GPR155: variants seen among roughly 807,000 people sequenced by gnomAD.
The protein encoded by GPR155 is lysosomal cholesterol signaling protein.
In GPR155, 65 loss-of-function variants were observed where a neutral mutation model predicts 93.1. The observed-to-expected ratio is 0.70, with a 90% CI of 0.57 to 0.86. The LOEUF is 0.86. GPR155 is among the 40% of genes least tolerant of loss of function. The pLI is 0.00. For missense variants in GPR155, 838 were observed against 1,034.8 expected, an observed-to-expected ratio of 0.81 and a Z score of 2.61; for synonymous variants, 319 against 360.1, an observed-to-expected ratio of 0.89 and a Z score of 1.29.
intron 12 of GPR155, among the ~76,000 whole-genome samples, chr2:174,446,180 G>A (rs765458017): frequency 4.0e-5 from 6 of 151,706 alleles, no homozygotes; most frequent in African/African-American, 7.3e-5. Context: ...GGTGGCATGC[G>A]CCTGTAATCC....
chr2:174,462,489 T>C (rs1687727530), intron 7 of GPR155, among the ~76,000 whole-genome samples: 1 of 152,158 alleles, frequency 6.6e-6, no homozygotes, highest in Non-Finnish European at 1.5e-5. Flanking sequence ...TTTGTATTTT[T>C]AGTAGAGATG....
chr2:174,435,538 C>G lies in GPR155; in HGVS notation c.*578G>C, dbSNP rs1465242708. The G allele has an allele frequency of 6.6e-6, 1 of 152,118 alleles. No individual in the cohort carries two copies. Among genetic ancestry groups the G allele is most frequent in the African/African-American group, 2.4e-5 (1 of 41,378 alleles). 9.4% of individuals were successfully genotyped at this position (152,118 alleles called of 1,614,324 possible). On this transcript the variant is annotated 3_prime_UTR_variant, in exon 16 of 16. Transcript: ENST00000392552. ...TCAGGCTGGAGTGCAGTGGCACGATCTCGGCTCACAGCAACCTCTGCCTCC... is the reference window on the plus strand; with the variant it reads ...TCAGGCTGGAGTGCAGTGGCACGATGTCGGCTCACAGCAACCTCTGCCTCC...
intron 2 of GPR155, 121 bp downstream of exon 2, chr2:174,481,376 A>T (rs908714589): frequency 8.0e-6 from 5 of 627,782 alleles, no homozygotes; most frequent in Non-Finnish European, 1.4e-5. Context: ...TCATCCTAAG[A>T]CATATTTGAG....
chr2:174,443,780 A>T (rs1466253379), intron 13 of GPR155, among the ~76,000 whole-genome samples: 1 of 152,304 alleles, frequency 6.6e-6, no homozygotes, highest in Non-Finnish European at 1.5e-5. Context: ...GCACATAAAA[A>T]ATATTTTCCC....
intron 11 of GPR155, among the ~76,000 whole-genome samples, chr2:174,447,493 C>T (rs1399741567): frequency 7.0e-6 from 1 of 143,184 alleles, no homozygotes; most frequent in African/African-American, 2.5e-5. Context: ...TATTATATAT[C>T]AGTATATATT....
chr2:174,467,536 C>T (rs560899319), intron 5 of GPR155, among the ~76,000 whole-genome samples: 50 of 152,206 alleles, frequency 3.3e-4, no homozygotes, highest in Non-Finnish European at 5.6e-4. Flanking sequence ...ACTATGCCTA[C>T]CTTCCGTGTC....
At chr2:174,445,851 T>C (rs1264540494) in intron 12 of GPR155, among the ~76,000 whole-genome samples, 2 of 152,166 alleles carry the variant, frequency 1.3e-5, no homozygotes, top group African/African-American at 4.8e-5. Flanking sequence ...AATTATTTTT[T>C]AAAGTTTATC....
intron 1 of GPR155, among the ~76,000 whole-genome samples, chr2:174,483,502 C>A (rs550251614): frequency 1.3e-5 from 2 of 152,282 alleles, no homozygotes; most frequent in African/African-American, 4.8e-5. Context: ...GCCAGGAACA[C>A]AATGAACATG....
Position 174,468,903 on chromosome 2 carries a change from C to T in GPR155, c.1182+9G>A, listed in dbSNP as rs1687913190. 2.5e-6 allele frequency: 4 copies of T among 1,609,260 alleles called. No homozygotes were observed. Among genetic ancestry groups the T allele is most frequent in the Admixed American group, 1.7e-5 (1 of 59,894 alleles). On this transcript the variant is annotated intron_variant, in intron 5 of 15. Coordinates refer to ENST00000392552, the MANE Select transcript of GPR155 (RefSeq NM_152529.7). ...GGTTTCCATTCATTTTGGGATGCAA[C>T]GTACTTACCAAGGAGATCAGGCTGA...
intron 11 of GPR155, among the ~76,000 whole-genome samples, chr2:174,448,662 C>T (rs1261240117): frequency 3.3e-5 from 5 of 150,296 alleles, no homozygotes; most frequent in African/African-American, 4.9e-5. Flanking sequence ...CTCAGCCTCC[C>T]GAGTAGCTGG....
rs1391849103 is a variant in GPR155 at position 174,453,768 on chromosome 2, G to A, written c.1845C>T (p.Thr615=). 1.2e-6 allele frequency: 2 copies of A among 1,612,616 alleles called. No individual in the cohort carries two copies. The highest frequency in any genetic ancestry group is 1.1e-5 in the South Asian group (1 of 91,050). ...CAAACGAAGGAATCACAGGCTCACT[G>A]GTGCTTGTGTTTGCTATTGGCTCTA... is the stretch of plus-strand genomic sequence containing the variant. ...PSIEPIANTS[T]SEPVIPSFEK... is the part of the protein sequence containing the mutation. The change falls in exon 11 of 16, where the codon ACC becomes ACT. Residue 615 remains threonine (T), a synonymous_variant. Coordinates refer to ENST00000392552, the MANE Select transcript of GPR155 (RefSeq NM_152529.7).
chr2:174,453,951 T>C lies in GPR155; in HGVS notation c.1772-110A>G. The C allele has an allele frequency of 8.3e-6, 6 of 719,530 alleles. No homozygotes were observed. The South Asian group carries it at 9.1e-5, about 11-fold the overall frequency. The allele number at this position is 719,530 out of a possible 1,614,324, so 44.6% of individuals were successfully genotyped here. ...AAAATCCACTCACACACACTTCCCA[T>C]GTAGCCTCAATAGTTTTCACATGGT... On this transcript the variant is annotated intron_variant, in intron 10 of 15. Coordinates refer to ENST00000392552, the MANE Select transcript of GPR155 (RefSeq NM_152529.7).
chr2:174,445,354 C>T (rs1320207779), intron 12 of GPR155, 178 bp from the exon 13 acceptor site: 1 of 533,720 alleles, frequency 1.9e-6, no homozygotes, highest in Non-Finnish European at 3.3e-6. Flanking sequence ...AACCTCTCCT[C>T]CTGACAGATG....
intron 10 of GPR155, among the ~76,000 whole-genome samples, chr2:174,459,337 A>G (rs907637873): frequency 1.3e-5 from 2 of 152,062 alleles, no homozygotes. Flanking sequence ...ACTTTTTTCT[A>G]TATTCTCAGG....
At chr2:174,453,668 GA>G (rs10687822) in intron 11 of GPR155, 68 bp downstream of exon 11, 14,992 of 505,130 alleles carry the variant, frequency 0.03, no homozygotes, top group East Asian at 0.094. Context: ...TCAAAAAAAA[GA>G]AAAAAAAAAA....
chr2:174,460,176 T>TTC, intron 9 of GPR155, 88 bp from the exon 10 acceptor site: 1 of 884,222 alleles, frequency 1.1e-6, no homozygotes, highest in Non-Finnish European at 1.7e-6. Context: ...TTTTTTTTTT[T>TTC]TTGAGATGGA....
intron 2 of GPR155, among the ~76,000 whole-genome samples, chr2:174,477,825 G>A (rs768694682): frequency 2.0e-5 from 3 of 152,148 alleles, no homozygotes; most frequent in Non-Finnish European, 4.4e-5. Context: ...ATCCCATTAT[G>A]AGGAGTTATT....
intron 15 of GPR155, among the ~76,000 whole-genome samples, chr2:174,437,085 A>G (rs561088605): frequency 7.8e-4 from 119 of 152,336 alleles, no homozygotes; most frequent in African/African-American, 2.8e-3. Context: ...TTGAATATTT[A>G]AAAATCTATC....
chr2:174,455,161 A>C (rs1312808998), intron 10 of GPR155, among the ~76,000 whole-genome samples: 5 of 152,020 alleles, frequency 3.3e-5, no homozygotes. Context: ...TGGGCAACAG[A>C]GCGAGACTCC....
Sources: allele counts gnomAD v4.1 joint callset (sites outside exome capture counted in the v4.1 genomes callset), GRCh38; gene constraint gnomAD v4.1.1; transcripts MANE v1.5; gene names NCBI Gene and HGNC (gene_info 2026-07-23, HGNC 2026-07-21).